The following CACNB2 variants were observed in gnomAD, a reference collection of about 807,000 sequenced individuals.
CACNB2 encodes voltage-dependent L-type calcium channel subunit beta-2.
In CACNB2, 42 loss-of-function variants were observed where a neutral mutation model predicts 73.3. That is an observed-to-expected ratio of 0.57 (90% CI 0.45 to 0.74). The LOEUF (loss-of-function observed/expected upper bound fraction) is 0.74, where lower values mean the gene tolerates loss of function less well. Among genes scored for constraint, CACNB2 ranks in the 30% least tolerant of loss-of-function variants. The probability of loss-of-function intolerance (pLI) is 0.00; values close to 1 mark genes in which losing one functional copy is unlikely to be tolerated. For missense variants in CACNB2, 940 were observed against 853.0 expected (o/e 1.10, Z -1.27); for synonymous variants, 348 against 310.3 (o/e 1.12, Z -1.28).
chr10:18,529,628 TG>T (rs2052799057), intron 10 of CACNB2, among the ~76,000 whole-genome samples: 1 of 152,204 alleles, frequency 6.6e-6, no homozygotes, highest in Non-Finnish European at 1.5e-5. Flanking sequence ...AACAGGCTTC[TG>T]AAAAACATAG....
intron 2 of CACNB2, among the ~76,000 whole-genome samples, chr10:18,157,411 G>A (rs2032139523): frequency 6.6e-6 from 1 of 152,136 alleles, no homozygotes; most frequent in Admixed American, 6.5e-5. Context: ...TTAGGTGTAA[G>A]GATTACATGA....
chr10:18,301,295 A>G (rs1311604445), intron 2 of CACNB2, among the ~76,000 whole-genome samples: 1 of 152,182 alleles, frequency 6.6e-6, no homozygotes, highest in Non-Finnish European at 1.5e-5. Flanking sequence ...GGTGAATGAC[A>G]TGGTTCTGGC....
chr10:18,508,669 G>A (rs886466702), intron 6 of CACNB2, among the ~76,000 whole-genome samples: 1 of 152,234 alleles, frequency 6.6e-6, no homozygotes, highest in East Asian at 1.9e-4. Context: ...ACTTATGATA[G>A]AGTTACACTT....
intron 3 of CACNB2, among the ~76,000 whole-genome samples, chr10:18,434,933 C>T (rs953022322): frequency 2.0e-5 from 3 of 152,140 alleles, no homozygotes; most frequent in African/African-American, 7.2e-5. Context: ...TGTCTTAGTG[C>T]CATTAAGAAA....
chr10:18,338,738 CTTTTTTTTT>C (rs553402190), intron 2 of CACNB2, among the ~76,000 whole-genome samples: 2 of 102,446 alleles, frequency 2.0e-5, no homozygotes, highest in African/African-American at 7.9e-5. Flanking sequence ...TCCTTCTTTC[CTTTTTTTTT>C]TTTTTTTTTT....
chr10:18,150,394 C>T (rs1201362642), intron 1 of CACNB2, among the ~76,000 whole-genome samples: 1 of 152,180 alleles, frequency 6.6e-6, no homozygotes, highest in Non-Finnish European at 1.5e-5. Flanking sequence ...CCGGGTGCAA[C>T]GGCTCATGCC....
chr10:18,372,007 A>G (rs2042606359), intron 2 of CACNB2, among the ~76,000 whole-genome samples: 1 of 152,182 alleles, frequency 6.6e-6, no homozygotes, highest in Admixed American at 6.6e-5. Flanking sequence ...TCTTCTTTTG[A>G]GAAGTGTCTG....
chr10:18,288,927 C>T (rs1329987931), intron 2 of CACNB2, among the ~76,000 whole-genome samples: 2 of 152,056 alleles, frequency 1.3e-5, no homozygotes, highest in South Asian at 2.1e-4. Flanking sequence ...TGCCTGTCCT[C>T]CCAGCTACTC....
chr10:18,186,392 C>G (rs895672965), intron 2 of CACNB2, among the ~76,000 whole-genome samples: 36 of 151,004 alleles, frequency 2.4e-4, no homozygotes, highest in Non-Finnish European at 3.4e-4. Context: ...GCACTCCAGC[C>G]TGGGCAACAA....
chr10:18,214,019 A>C (rs1007769592), intron 2 of CACNB2, among the ~76,000 whole-genome samples: 1 of 152,202 alleles, frequency 6.6e-6, no homozygotes, highest in Non-Finnish European at 1.5e-5. Context: ...ATGTCTTTCC[A>C]CTGGCTACAG....
At chr10:18,486,691 C>T (rs577460780) in intron 3 of CACNB2, among the ~76,000 whole-genome samples, 11 of 152,152 alleles carry the variant, frequency 7.2e-5, no homozygotes, top group Admixed American at 4.6e-4. Flanking sequence ...AAAGAGCATA[C>T]GGCAGTGAGA....
At chr10:18,146,625 C>T (rs1407156133) in intron 1 of CACNB2, among the ~76,000 whole-genome samples, 2 of 151,954 alleles carry the variant, frequency 1.3e-5, no homozygotes, top group African/African-American at 4.8e-5. Flanking sequence ...TCACAGGTGT[C>T]CGCCACCACG....
chr10:18,299,134 A>G (rs1285602416), intron 2 of CACNB2, among the ~76,000 whole-genome samples: 1 of 151,834 alleles, frequency 6.6e-6, no homozygotes, highest in African/African-American at 2.4e-5. Context: ...AAAGAAAAAA[A>G]AAGTTACCAA....
intron 3 of CACNB2, among the ~76,000 whole-genome samples, chr10:18,412,086 C>T (rs1272127909): frequency 3.9e-5 from 6 of 152,156 alleles, no homozygotes; most frequent in Admixed American, 6.5e-5. Context: ...TCGTTCTCTT[C>T]CATATGGTTG....
At chr10:18,317,871 C>G (rs1010831405) in intron 2 of CACNB2, among the ~76,000 whole-genome samples, 1 of 152,138 alleles carries the variant, frequency 6.6e-6, no homozygotes, top group African/African-American at 2.4e-5. Context: ...AACATGAGGT[C>G]TTTATGCTCT....
chr10:18,495,584 T>TGTGTGTGTGTGTGTGTG (rs1263263494), intron 3 of CACNB2, among the ~76,000 whole-genome samples: 12 of 138,304 alleles, frequency 8.7e-5, no homozygotes, highest in African/African-American at 3.2e-4. Context: ...TGTGTGTGTG[T>TGTGTGTGTGTGTGTGTG]GTGTGTGTAT....
intron 2 of CACNB2, among the ~76,000 whole-genome samples, chr10:18,377,707 T>C (rs182134295): frequency 1.3e-5 from 2 of 152,324 alleles, no homozygotes; most frequent in Admixed American, 1.3e-4. Flanking sequence ...ATCTCTGATA[T>C]AGTCTGTGTG....
At chr10:18,304,464 G>A (rs2039650205) in intron 2 of CACNB2, among the ~76,000 whole-genome samples, 1 of 152,084 alleles carries the variant, frequency 6.6e-6, no homozygotes, top group African/African-American at 2.4e-5. Flanking sequence ...TGAAAACATT[G>A]TTTGTTTCCC....
intron 2 of CACNB2, among the ~76,000 whole-genome samples, chr10:18,309,556 C>G (rs1394715499): frequency 6.6e-6 from 1 of 152,158 alleles, no homozygotes; most frequent in Non-Finnish European, 1.5e-5. Flanking sequence ...CTCCCGGGTT[C>G]AAGCGATTCT....
Sources: gnomAD v4.1 joint callset for allele counts (sites outside exome capture counted in the v4.1 genomes callset) on GRCh38, gnomAD v4.1.1 for gene constraint, MANE v1.5 for transcripts, NCBI Gene and HGNC (gene_info 2026-07-23, HGNC 2026-07-21) for gene names.